CLEC10A: variants seen among roughly 807,000 people sequenced by gnomAD.
CLEC10A encodes the protein C-type lectin domain family 10 member A.
Under a neutral mutation model 42.0 loss-of-function variants are expected in CLEC10A, and 38 were observed. That is an observed-to-expected ratio of 0.90 (90% CI 0.70 to 1.18). CLEC10A has a LOEUF of 1.18. Among genes scored for constraint, CLEC10A ranks in the 50% most tolerant of loss-of-function variants. The probability of loss-of-function intolerance (pLI) is 0.00; values close to 1 mark genes in which losing one functional copy is unlikely to be tolerated. For missense variants in CLEC10A, 298 were observed against 345.9 expected (o/e 0.86, Z 1.10); for synonymous variants, 126 against 139.9 (o/e 0.90, Z 0.70).
In CLEC10A at chr17:7,075,007, T is replaced by G; in HGVS notation, c.*47A>C. The G allele has an allele frequency of 6.8e-7, 1 of 1,480,434 alleles. No homozygotes were observed. The highest frequency in any genetic ancestry group is 9.0e-7 in the Non-Finnish European group (1 of 1,115,630). 91.7% of individuals were successfully genotyped at this position (1,480,434 alleles called of 1,614,324 possible). On this transcript the variant is annotated 3_prime_UTR_variant, in exon 9 of 9. Coordinates refer to ENST00000416562, the MANE Select transcript of CLEC10A (RefSeq NM_001330070.2). Reference sequence around the variant, plus strand: ...TGCGAGGAGGTCGTGAGAAGAGTCCTCCTCCCACCGCCATTTCTGTGGCCG... The same window carrying G: ...TGCGAGGAGGTCGTGAGAAGAGTCCGCCTCCCACCGCCATTTCTGTGGCCG...
chr17:7,078,900 G>A lies in CLEC10A; in HGVS notation c.-73-15C>T, dbSNP rs1283637367. ...CTGGGGTGGAGCTGGGGAATAGGAGGTTGGGACTAAGTTGGAGCCAAGGGC... is the reference window on the plus strand; with the variant it reads ...CTGGGGTGGAGCTGGGGAATAGGAGATTGGGACTAAGTTGGAGCCAAGGGC... On this transcript the variant is annotated splice_polypyrimidine_tract_variant and intron_variant, in intron 1 of 8. Transcript: ENST00000416562. 2 of 1,281,372 alleles carry A rather than the reference G, an allele frequency of 1.6e-6. No individual in the cohort carries two copies. Among genetic ancestry groups the A allele is most frequent in the African/African-American group, 1.5e-5 (1 of 68,398 alleles). The allele number at this position is 1,281,372 out of a possible 1,614,324, so 79.4% of individuals were successfully genotyped here. A position where few individuals can be genotyped will look rare whatever the true frequency, so the allele number is the denominator to read the frequency against.
chr17:7,077,663 T>A (rs55671225), intron 3 of CLEC10A, among the ~76,000 whole-genome samples: 4 of 44,580 alleles, frequency 9.0e-5, no homozygotes, highest in Non-Finnish European at 1.2e-4. Context: ...TCACTCCGTC[T>A]GTGCCCCCAC....
intron 3 of CLEC10A, among the ~76,000 whole-genome samples, chr17:7,077,786 T>TCTCCTCCATTCCCATCAATCAC (rs1911932988): frequency 2.0e-5 from 3 of 151,840 alleles, no homozygotes; most frequent in African/African-American, 4.8e-5. Flanking sequence ...CCATCAGTGC[T>TCTCCTCCATTCCCATCAATCAC]TCAGTGGCTC....
Position 7,075,730 on chromosome 17 carries a change from C to T in CLEC10A, c.594+1G>A. The T allele has an allele frequency of 6.2e-7, 1 of 1,614,238 alleles. No individual in the cohort carries two copies. Reference sequence around the variant, plus strand: ...AGGAACTGAGTACCAGAAGCCCTCACCTGCTCCTCCCTGGAGTTGATGACC... The same window carrying T: ...AGGAACTGAGTACCAGAAGCCCTCATCTGCTCCTCCCTGGAGTTGATGACC... On this transcript the variant is annotated splice_donor_variant, in intron 7 of 8. Coordinates refer to ENST00000416562, the MANE Select transcript of CLEC10A (RefSeq NM_001330070.2). LOFTEE classifies it high-confidence loss of function.
rs139844327 is a variant in CLEC10A, at chr17:7,075,123, G to C, written c.801C>G (p.Asp267Glu). ...HFHPDGRWND[D>E]VCQRPYHWVC... ...CCCAGTGGTAGGGCCTCTGGCAGAC[G>C]TCGTCATTCCACCTGCCGTCTGGAT... The change falls in exon 9 of 9, where the codon GAC (aspartate) becomes GAG (glutamate). Residue 267 changes from aspartate to glutamate, a missense_variant. Transcript: ENST00000416562. The C allele has an allele frequency of 6.2e-7, 1 of 1,608,290 alleles. No individual in the cohort carries two copies. The highest frequency in any genetic ancestry group is 8.5e-7 in the Non-Finnish European group (1 of 1,178,352).
rs866853348 is a variant in CLEC10A, at chr17:7,076,307, C to T, written c.353-236G>A. On this transcript the variant is annotated intron_variant, in intron 5 of 8. Coordinates refer to ENST00000416562, the MANE Select transcript of CLEC10A (RefSeq NM_001330070.2). The stretch of plus-strand genomic sequence containing the variant: ...GCATGCTGCCTTTCTTTCTTTCTTT[C>T]TTTTTTTTTTTTTTTTTTTTGAGAC... Among the ~76,000 whole-genome samples, 342 of 121,068 alleles carry T rather than the reference C, an allele frequency of 2.8e-3. 4 individuals carry two copies. The highest frequency in any genetic ancestry group is 0.027 in the East Asian group (112 of 4,082). The allele number at this position is 121,068 out of a possible 152,430, so 79.4% of individuals were successfully genotyped here. A position where few individuals can be genotyped will look rare whatever the true frequency, so the allele number is the denominator to read the frequency against.
In CLEC10A at chr17:7,075,736, C is replaced by A. The variant is rs372609073; in HGVS notation, c.589G>T (p.Glu197Ter). 6.2e-7 allele frequency: 1 copy of A among 1,614,110 alleles called. No homozygotes were observed. Among genetic ancestry groups the A allele is most frequent in the Non-Finnish European group, 8.5e-7 (1 of 1,180,056 alleles). ...TGAGTACCAGAAGCCCTCACCTGCT[C>A]CTCCCTGGAGTTGATGACCACCAGG... ...AHLVVINSRE[E>*]QNFVQKYLGS... The change falls in exon 7 of 9, where the codon GAG becomes TAG. Residue 197 changes from glutamate to a stop codon, truncating the protein, a stop_gained. Coordinates refer to ENST00000416562, the MANE Select transcript of CLEC10A (RefSeq NM_001330070.2). LOFTEE classifies it high-confidence loss of function.
At position 7,075,289 on chromosome 17, in the gene CLEC10A, A is replaced by T. The variant is rs1597357108; in HGVS notation, c.702-67T>A. The T allele has an allele frequency of 3.3e-6, 5 of 1,507,054 alleles. No homozygotes were observed. The East Asian group carries it at 1.2e-4, about 35-fold the overall frequency. 93.4% of individuals were successfully genotyped at this position (1,507,054 alleles called of 1,614,324 possible). A position where few individuals can be genotyped will look rare whatever the true frequency, so the allele number is the denominator to read the frequency against. On this transcript the variant is annotated intron_variant, in intron 8 of 8. Transcript: ENST00000416562. ...AGTAGAATTCAGTTCAGGGGAGGAG[A>T]GGCTGCCAGTCAGATCCCTGGGGGA... is the stretch of plus-strand genomic sequence containing the variant.
intron 3 of CLEC10A, among the ~76,000 whole-genome samples, chr17:7,077,579 A>C (rs1176496582): frequency 1.1e-4 from 5 of 45,768 alleles, no homozygotes; most frequent in Admixed American, 6.4e-4. Context: ...CACCATTCCC[A>C]TCAATGACTC....
intron 5 of CLEC10A, 68 bp downstream of exon 5, chr17:7,076,665 A>G (rs1174784237): frequency 2.6e-6 from 4 of 1,534,092 alleles, no homozygotes; most frequent in Non-Finnish European, 3.6e-6. Flanking sequence ...CAGCACCAGG[A>G]GTCTGTTCCC....
rs1202731534 is a variant in CLEC10A at position 7,075,456 on chromosome 17, T to C, written c.605A>G (p.Gln202Arg). 1 of 1,531,072 alleles carries C rather than the reference T, an allele frequency of 6.5e-7. No individual in the cohort carries two copies. Among genetic ancestry groups the C allele is most frequent in the Non-Finnish European group, 8.8e-7 (1 of 1,142,446 alleles). 94.8% of individuals were successfully genotyped at this position (1,531,072 alleles called of 1,614,324 possible). A position where few individuals can be genotyped will look rare whatever the true frequency, so the allele number is the denominator to read the frequency against. Reference protein sequence around the residue: ...INSREEQNFVQKYLGSAYTWM... With the variant: ...INSREEQNFVRKYLGSAYTWM... ...GGTGTATGCGGAGCCTAGATATTTC[T>C]GGACAAAATTCTGCGGTGACAGAAG... The change falls in exon 8 of 9, where the codon CAG (glutamine) becomes CGG (arginine). Residue 202 changes from glutamine (Q) to arginine (R), a missense_variant. This residue lies in a region of CLEC10A where 267 missense variants were observed against 289.5 expected (regional missense o/e 0.92). Coordinates refer to ENST00000416562, the MANE Select transcript of CLEC10A (RefSeq NM_001330070.2).
At chr17:7,079,777 C>T (rs1051314778) in intron 1 of CLEC10A, among the ~76,000 whole-genome samples, 8 of 151,820 alleles carry the variant, frequency 5.3e-5, no homozygotes, top group Admixed American at 2.6e-4. Context: ...GAGGCCGTCT[C>T]GGCTCACTGC....
intron 8 of CLEC10A, 44 bp downstream of exon 8, chr17:7,075,316 A>T (rs1216480038): frequency 6.6e-7 from 1 of 1,506,292 alleles, no homozygotes; most frequent in Non-Finnish European, 8.9e-7. Flanking sequence ...CCTGGGGGAA[A>T]CGCTGACGGA....
Position 7,078,105 on chromosome 17 carries a change from G to T in CLEC10A, c.76C>A (p.Pro26Thr). Reference sequence around the variant, plus strand: ...AGACGCTGCAGGAGGGACTGGAGAGGAAGTGGCCCTGCAAGAGGAGAGAGT... The same window carrying T: ...AGACGCTGCAGGAGGGACTGGAGAGTAAGTGGCCCTGCAAGAGGAGAGAGT... ...KVQGFKNGPLPLQSLLQRLCS... is the reference protein window; with the variant it reads ...KVQGFKNGPLTLQSLLQRLCS... The change falls in exon 3 of 9, where the codon CCT (proline) becomes ACT (threonine). Residue 26 changes from proline to threonine, a missense_variant. Pro to Thr is a conservative substitution (Grantham distance 38). Around this residue, in one of 3 missense-constraint regions of CLEC10A, gnomAD observed 27 missense variants for 37.0 expected, o/e 0.73. Transcript: ENST00000416562. 1 of 1,612,276 alleles carries T rather than the reference G, an allele frequency of 6.2e-7. No individual in the cohort carries two copies. The highest frequency in any genetic ancestry group is 8.5e-7 in the Non-Finnish European group (1 of 1,178,632).
At position 7,075,372 on chromosome 17, in the gene CLEC10A, G is replaced by A. The variant is rs770259937; in HGVS notation, c.689C>T (p.Ala230Val). The A allele has an allele frequency of 9.2e-6, 14 of 1,515,334 alleles. No homozygotes were observed. The highest frequency in any genetic ancestry group is 1.1e-5 in the Non-Finnish European group (13 of 1,134,078). 93.9% of individuals were successfully genotyped at this position (1,515,334 alleles called of 1,614,324 possible). Residue 230 changes from alanine (A) to valine (V), a missense_variant, in exon 8 of 9, where the codon GCG becomes GTG. Ala to Val is a moderately conservative substitution (Grantham distance 64). Coordinates refer to ENST00000416562, the MANE Select transcript of CLEC10A (RefSeq NM_001330070.2). ...AWKWVDGTDY[A>V]TGFQNWKPGQ... ...AGGGTGCACTCACTGGAAGCCGGTC[G>A]CATAGTCTGTTCCATCCACCCACTT...
In CLEC10A at chr17:7,075,034, G is replaced by A. The variant is rs1204339714; in HGVS notation, c.*20C>T. The A allele has an allele frequency of 3.3e-6, 5 of 1,527,812 alleles. No homozygotes were observed. Among genetic ancestry groups the A allele is most frequent in the Admixed American group, 2.3e-5 (1 of 42,786 alleles). 94.6% of individuals were successfully genotyped at this position (1,527,812 alleles called of 1,614,324 possible). A position where few individuals can be genotyped will look rare whatever the true frequency, so the allele number is the denominator to read the frequency against. Reference sequence around the variant, plus strand: ...CTCCCACCGCCATTTCTGTGGCCGGGTGGTCCCACCAAAGGCAGCTCAGTG... The same window carrying A: ...CTCCCACCGCCATTTCTGTGGCCGGATGGTCCCACCAAAGGCAGCTCAGTG... On this transcript the variant is annotated 3_prime_UTR_variant, in exon 9 of 9. Coordinates refer to ENST00000416562, the MANE Select transcript of CLEC10A (RefSeq NM_001330070.2).
Position 7,075,132 on chromosome 17 carries a change from C to T in CLEC10A, c.792G>A (p.Trp264Ter). 2 of 1,608,540 alleles carry T rather than the reference C, an allele frequency of 1.2e-6. No individual in the cohort carries two copies. Residue 264 changes from tryptophan (W) to a stop codon, truncating the protein, a stop_gained, in exon 9 of 9, where the codon TGG becomes TGA. Coordinates refer to ENST00000416562, the MANE Select transcript of CLEC10A (RefSeq NM_001330070.2). LOFTEE classifies it high-confidence loss of function. ...AGGGCCTCTGGCAGACGTCGTCATT[C>T]CACCTGCCGTCTGGATGGAAGTGAG... ...DCAHFHPDGR[W>*]NDDVCQRPYH...
chr17:7,076,621 C>G lies in CLEC10A; in HGVS notation c.352+112G>C. ...ACCACTGCGCCCGGCCTGCATGCTG[C>G]CTTTCAAGCTGCTGGCTGAAGGGGA... On this transcript the variant is annotated intron_variant, in intron 5 of 8. Coordinates refer to ENST00000416562, the MANE Select transcript of CLEC10A (RefSeq NM_001330070.2). The G allele has an allele frequency of 2.4e-6, 3 of 1,236,308 alleles. No homozygotes were observed. The South Asian group carries it at 3.6e-5, about 15-fold the overall frequency. The allele number at this position is 1,236,308 out of a possible 1,614,324, so 76.6% of individuals were successfully genotyped here. A position where few individuals can be genotyped will look rare whatever the true frequency, so the allele number is the denominator to read the frequency against.
intron 7 of CLEC10A, 131 bp from the exon 8 acceptor site, chr17:7,075,597 A>G: frequency 6.9e-7 from 1 of 1,455,202 alleles, no homozygotes; most frequent in Non-Finnish European, 9.6e-7. Flanking sequence ...GCTCAGGCCT[A>G]TTAAATCTCT....
Sources: allele counts gnomAD v4.1 joint callset (sites outside exome capture counted in the v4.1 genomes callset), GRCh38; gene constraint gnomAD v4.1.1; regional missense constraint gnomAD v4.1.1; transcripts MANE v1.5; gene names NCBI Gene and HGNC (gene_info 2026-07-23, HGNC 2026-07-21).